Variants in TCF3 observed in about 807,000 individuals in gnomAD.
TCF3 encodes transcription factor E2-alpha.
A neutral mutation model predicts 72.3 loss-of-function variants in TCF3; 54 were observed. The ratio of observed to expected loss-of-function variants is 0.75; its 90% CI spans 0.60 to 0.94. TCF3 has a LOEUF of 0.94. Among genes scored for constraint, TCF3 ranks in the 40% least tolerant of loss-of-function variants. The pLI, the probability that TCF3 is intolerant of heterozygous loss-of-function variation, is 0.00. For missense variants in TCF3, 1,078 were observed against 934.4 expected (o/e 1.15, Z -2.00); for synonymous variants, 525 against 412.6 (o/e 1.27, Z -3.30).
chr19:1,648,122 G>A (rs564992710), intron 2 of TCF3, among the ~76,000 whole-genome samples: 7 of 152,324 alleles, frequency 4.6e-5, no homozygotes, highest in East Asian at 1.9e-4. Context: ...ACAAAGGCGC[G>A]CTGGGAACAG....
Position 1,624,016 on chromosome 19 carries a change from G to A in TCF3, c.500-16C>T. The A allele has an allele frequency of 6.2e-7, 1 of 1,613,182 alleles. No homozygotes were observed. Among genetic ancestry groups the A allele is most frequent in the Non-Finnish European group, 8.5e-7 (1 of 1,179,836 alleles). On this transcript the variant is annotated splice_polypyrimidine_tract_variant and intron_variant, in intron 7 of 18. Transcript: ENST00000262965. ...GGCTGCGTGTCTGTTAGAAGCAAAA[G>A]GGGTGAGAACCGGCCACCGGCCATG...
In TCF3 at chr19:1,619,134, G is replaced by A; in HGVS notation, c.1427C>T (p.Ser476Phe). Reference sequence around the variant, plus strand: ...ACCACTGTAGGAGTCGGGAGGCCGAGACAGGTCAGGGAGGGTGCCTGGCTG... The same window carrying A: ...ACCACTGTAGGAGTCGGGAGGCCGAAACAGGTCAGGGAGGGTGCCTGGCTG... Reference protein sequence around the residue: ...PSQPGTLPDLSRPPDSYSGLG... With the variant: ...PSQPGTLPDLFRPPDSYSGLG... Residue 476 changes from serine to phenylalanine, a missense_variant, in exon 16 of 19, where the codon TCT becomes TTT. Ser to Phe is a radical substitution (Grantham distance 155, BLOSUM62 -2). Transcript: ENST00000262965. 6.3e-7 allele frequency: 1 copy of A among 1,599,868 alleles called. No individual in the cohort carries two copies. Among genetic ancestry groups the A allele is most frequent in the Non-Finnish European group, 8.5e-7 (1 of 1,179,752 alleles).
intron 2 of TCF3, among the ~76,000 whole-genome samples, chr19:1,646,748 T>A (rs1022450167): frequency 6.6e-6 from 1 of 151,988 alleles, no homozygotes; most frequent in African/African-American, 2.4e-5. Context: ...GGGGGAGGGG[T>A]ATCCCATTAG....
intron 3 of TCF3, among the ~76,000 whole-genome samples, chr19:1,632,728 T>C (rs1240548121): frequency 1.3e-5 from 2 of 152,126 alleles, no homozygotes; most frequent in Admixed American, 1.3e-4. Context: ...CCGAGCCTCC[T>C]CCCCATCAGC....
In TCF3 at chr19:1,621,011, C is replaced by A. The variant is rs367962588; in HGVS notation, c.1050G>T (p.Ser350=). 9.9e-6 allele frequency: 15 copies of A among 1,520,202 alleles called. No individual in the cohort carries two copies. In the East Asian group the frequency reaches 2.7e-4, roughly 28 times the overall value. 94.2% of individuals were successfully genotyped at this position (1,520,202 alleles called of 1,614,324 possible). ...YSPDHSSNNF[S]SSPSTPVGSP... is the part of the protein sequence containing the mutation. The stretch of plus-strand genomic sequence containing the variant: ...AGCCCACGGGGGTAGAAGGGCTGGA[C>A]GAGAAGTTATTGCTTGAGTGATCCG... Residue 350 remains serine, a synonymous_variant, in exon 13 of 19, where the codon TCG becomes TCT. Transcript: ENST00000262965.
chr19:1,612,658 GGCA>G (rs1300623735), intron 18 of TCF3, among the ~76,000 whole-genome samples: 1 of 151,540 alleles, frequency 6.6e-6, no homozygotes, highest in Non-Finnish European at 1.5e-5. Context: ...TGTTGGTGTG[GGCA>G]GCAGTGCAGG....
chr19:1,612,904 G>A (rs955383944), intron 18 of TCF3, among the ~76,000 whole-genome samples: 1 of 151,102 alleles, frequency 6.6e-6, no homozygotes, highest in African/African-American at 2.4e-5. Context: ...GTGGACAGCA[G>A]TGGGGGTACA....
At chr19:1,632,449 C>T (rs1350691729) in intron 3 of TCF3, 44 bp from the exon 4 acceptor site, 1 of 1,541,286 alleles carries the variant, frequency 6.5e-7, no homozygotes, top group Admixed American at 1.9e-5. Flanking sequence ...CTCACGCCTG[C>T]CCAGCTCTAA....
chr19:1,637,377 G>A (rs1010382981), intron 3 of TCF3, among the ~76,000 whole-genome samples: 6 of 152,202 alleles, frequency 3.9e-5, no homozygotes, highest in African/African-American at 1.2e-4. Flanking sequence ...AAGCAGGGGC[G>A]CCTTGCAACC....
At chr19:1,651,918 G>GC (rs1275729976) in intron 1 of TCF3, among the ~76,000 whole-genome samples, 3 of 151,004 alleles carry the variant, frequency 2.0e-5, no homozygotes, top group Non-Finnish European at 4.4e-5. Flanking sequence ...CCCGGGCCGG[G>GC]CCCCCCTCTA....
chr19:1,627,309 C>G (rs1421806571), intron 6 of TCF3, 50 bp downstream of exon 6: 1 of 1,500,854 alleles, frequency 6.7e-7, no homozygotes, highest in Non-Finnish European at 9.1e-7. Flanking sequence ...GGGTGGGTGA[C>G]AGATTTGTTT....
At chr19:1,618,948 G>A (rs1020375795) in intron 16 of TCF3, among the ~76,000 whole-genome samples, 163 bp downstream of exon 16, 14 of 152,216 alleles carry the variant, frequency 9.2e-5, no homozygotes, top group African/African-American at 1.2e-4. Flanking sequence ...CGGCCCCGCC[G>A]GTCTTACCCA....
rs1259087029 is a variant in TCF3, at chr19:1,614,682, G to A, written c.1822+603C>T. ...GAAGGAGTTAAGGAAGCAGCCGCCAGCGCCAGCGGGGGGAAGGAGTCAGCT... is the reference window on the plus strand; with the variant it reads ...GAAGGAGTTAAGGAAGCAGCCGCCAACGCCAGCGGGGGGAAGGAGTCAGCT... On this transcript the variant is annotated intron_variant, in intron 18 of 18. Coordinates refer to ENST00000262965, the MANE Select transcript of TCF3 (RefSeq NM_003200.5). This position sits in a 1 kb window ranked among gnomAD's most constrained non-coding sequence, Gnocchi z 5.6. 6.6e-6 allele frequency among the ~76,000 whole-genome samples: 1 copy of A among 152,158 alleles called. No homozygotes were observed. Among genetic ancestry groups the A allele is most frequent in the African/African-American group, 2.4e-5 (1 of 41,432 alleles).
chr19:1,633,802 T>G (rs1222012349), intron 3 of TCF3, among the ~76,000 whole-genome samples: 1 of 152,200 alleles, frequency 6.6e-6, no homozygotes, highest in Non-Finnish European at 1.5e-5. Flanking sequence ...ATCCTGGTCC[T>G]GCACGTGGGC....
chr19:1,625,596 C>T lies in TCF3; in HGVS notation c.479G>A (p.Arg160Lys). The T allele has an allele frequency of 6.3e-7, 1 of 1,586,226 alleles. No homozygotes were observed. Among genetic ancestry groups the T allele is most frequent in the Non-Finnish European group, 8.6e-7 (1 of 1,168,876 alleles). The change falls in exon 7 of 19, where the codon AGA becomes AAA. Residue 160 changes from arginine (R) to lysine (K), a missense_variant. Physicochemically the swap from Arg to Lys is conservative, Grantham distance 26. Transcript: ENST00000262965. ...YPSYSGSSRR[R>K]AADGSLDTQP... ...CTCACCTAGGCTGCCGTCTGCCGCT[C>T]TCCGCCGGGAGCTGCCGGAGTAGGA...
intron 1 of TCF3, chr19:1,650,549 A>C: frequency 2.8e-6 from 1 of 362,048 alleles, no homozygotes; most frequent in Non-Finnish European, 5.0e-6. Context: ...TGCAAATATA[A>C]ACTCCCTAAC....
chr19:1,625,016 T>G (rs1355895173), intron 7 of TCF3, among the ~76,000 whole-genome samples: 1 of 152,164 alleles, frequency 6.6e-6, no homozygotes, highest in African/African-American at 2.4e-5. Context: ...TAGCTAATTT[T>G]TAAAATTTTT....
At chr19:1,633,061 G>C (rs894678504) in intron 3 of TCF3, among the ~76,000 whole-genome samples, 1 of 144,738 alleles carries the variant, frequency 6.9e-6, no homozygotes, top group Non-Finnish European at 1.5e-5. Context: ...TCCCGGCGCA[G>C]CAAGGGACGG....
At position 1,610,834 on chromosome 19, in the gene TCF3, T is replaced by C. The variant is rs2145680462; in HGVS notation, c.*873A>G. ...TCATCAGGGAACGCCCACGCATCAC[T>C]TTCCACATGACAAAACCAAGAGAAC... On this transcript the variant is annotated 3_prime_UTR_variant, in exon 19 of 19. Transcript: ENST00000262965. 4.8e-6 allele frequency: 1 copy of C among 207,908 alleles called. No homozygotes were observed. The highest frequency in any genetic ancestry group is 6.1e-5 in the Admixed American group (1 of 16,296). The allele number at this position is 207,908 out of a possible 1,614,324, so 12.9% of individuals were successfully genotyped here.
Sources: gnomAD v4.1 joint callset for allele counts (sites outside exome capture counted in the v4.1 genomes callset) on GRCh38, gnomAD v4.1.1 for gene constraint, Gnocchi (gnomAD v3.1) non-coding constraint, MANE v1.5 for transcripts, NCBI Gene and HGNC (gene_info 2026-07-23, HGNC 2026-07-21) for gene names.